EIF2B2: variants seen among roughly 807,000 people sequenced by gnomAD.
EIF2B2 encodes eukaryotic translation initiation factor 2B subunit beta, also known as translation initiation factor eIF2B subunit beta.
Under a neutral mutation model 34.7 loss-of-function variants are expected in EIF2B2, and 34 were observed. The ratio of observed to expected loss-of-function variants is 0.98; its 90% CI spans 0.75 to 1.31. The LOEUF is 1.31. Among genes scored for constraint, EIF2B2 ranks in the 50% most tolerant of loss-of-function variants. EIF2B2 has a pLI of 0.00. For missense variants in EIF2B2, 361 were observed against 447.7 expected (o/e 0.81, Z 1.75); for synonymous variants, 155 against 171.6 (o/e 0.90, Z 0.76).
rs758861979 is a variant in EIF2B2 at position 75,009,599 on chromosome 14, T to C, written c.*411T>C. ...AGCCACTTGAAGGTTCCATAGTTGG[T>C]TTATTTATTGTCCTACTCTGACAGA... On this transcript the variant is annotated 3_prime_UTR_variant, in exon 8 of 8. Coordinates refer to ENST00000266126, the MANE Select transcript of EIF2B2 (RefSeq NM_014239.4). 2 of 298,348 alleles carry C rather than the reference T, an allele frequency of 6.7e-6. No individual in the cohort carries two copies. Among genetic ancestry groups the C allele is most frequent in the Non-Finnish European group, 1.3e-5 (2 of 153,266 alleles). 18.5% of individuals were successfully genotyped at this position (298,348 alleles called of 1,614,324 possible).
chr14:75,004,414 G>A (rs986547609), intron 3 of EIF2B2, among the ~76,000 whole-genome samples: 1 of 151,930 alleles, frequency 6.6e-6, no homozygotes, highest in African/African-American at 2.4e-5. Flanking sequence ...GACATAGCTG[G>A]GCATGGTGGC....
intron 7 of EIF2B2, chr14:75,008,115 T>G (rs563437328): frequency 3.1e-6 from 1 of 326,702 alleles, no homozygotes; most frequent in Non-Finnish European, 5.8e-6. Context: ...ATGTACCTGT[T>G]TTCCTGCTAT....
rs1017965087 is a variant in EIF2B2, at chr14:75,011,603, C to T, written c.*2415C>T. The T allele has an allele frequency of 3.3e-5, 5 of 152,170 alleles. No homozygotes were observed. The highest frequency in any genetic ancestry group is 7.2e-5 in the African/African-American group (3 of 41,440). 9.4% of individuals were successfully genotyped at this position (152,170 alleles called of 1,614,324 possible). A position where few individuals can be genotyped will look rare whatever the true frequency, so the allele number is the denominator to read the frequency against. The stretch of plus-strand genomic sequence containing the variant: ...TTCCAGAGAGGGGAAAAAAGTAAGA[C>T]CTCAGAAAGTCGGCATTTTACACTG... On this transcript the variant is annotated 3_prime_UTR_variant, in exon 8 of 8. Transcript: ENST00000266126.
intron 4 of EIF2B2, chr14:75,005,119 T>A (rs1405323824): frequency 1.4e-5 from 7 of 493,584 alleles, no homozygotes; most frequent in Non-Finnish European, 2.2e-5. Context: ...GGCTCATGCC[T>A]GTAATCCCAG....
chr14:75,003,169 C>T lies in EIF2B2; in HGVS notation c.163+16C>T. The T allele has an allele frequency of 6.2e-7, 1 of 1,613,364 alleles. No homozygotes were observed. Among genetic ancestry groups the T allele is most frequent in the Non-Finnish European group, 8.5e-7 (1 of 1,179,932 alleles). ...AGCAACGCGGGTGAGGCCGGCCTGCCTCCGCCGGCGAACCTGGCCCCTGTC... is the reference window on the plus strand; with the variant it reads ...AGCAACGCGGGTGAGGCCGGCCTGCTTCCGCCGGCGAACCTGGCCCCTGTC... On this transcript the variant is annotated intron_variant, in intron 1 of 7. Coordinates refer to ENST00000266126, the MANE Select transcript of EIF2B2 (RefSeq NM_014239.4).
At chr14:75,008,351 C>T (rs1427037828) in intron 7 of EIF2B2, 2 of 175,884 alleles carry the variant, frequency 1.1e-5, no homozygotes, top group Non-Finnish European at 2.5e-5. Flanking sequence ...CCTAGTTCCT[C>T]TTGGAAGTTG....
chr14:75,010,886 T>C lies in EIF2B2; in HGVS notation c.*1698T>C, dbSNP rs1272483738. The C allele has an allele frequency of 6.6e-6, 1 of 152,170 alleles. No individual in the cohort carries two copies. Among genetic ancestry groups the C allele is most frequent in the Non-Finnish European group, 1.5e-5 (1 of 68,034 alleles). 9.4% of individuals were successfully genotyped at this position (152,170 alleles called of 1,614,324 possible). A position where few individuals can be genotyped will look rare whatever the true frequency, so the allele number is the denominator to read the frequency against. On this transcript the variant is annotated 3_prime_UTR_variant, in exon 8 of 8. Coordinates refer to ENST00000266126, the MANE Select transcript of EIF2B2 (RefSeq NM_014239.4). ...GCAGAGCAATATGCATAATACGGAC[T>C]CATTTCCATAAAACAACACTGGCTG...
rs1362007849 is a variant in EIF2B2 at position 75,004,803 on chromosome 14, C to T, written c.500C>T (p.Thr167Ile). Residue 167 changes from threonine (T) to isoleucine (I), a missense_variant, in exon 4 of 8, where the codon ACC becomes ATC. By Grantham distance (89) the Thr-to-Ile change is moderately conservative. Coordinates refer to ENST00000266126, the MANE Select transcript of EIF2B2 (RefSeq NM_014239.4). ...EHIHSNEVIM[T>I]IGFSRTVEAF... is the part of the protein sequence containing the mutation. ...ATTCACTCCAATGAGGTGATCATGA[C>T]CATTGGCTTCTCCCGAACAGTAGAG... is the stretch of plus-strand genomic sequence containing the variant. The T allele has an allele frequency of 1.2e-6, 2 of 1,605,306 alleles. No individual in the cohort carries two copies. The highest frequency in any genetic ancestry group is 2.2e-5 in the South Asian group (2 of 90,764).
At position 75,009,203 on chromosome 14, in the gene EIF2B2, C is replaced by T; in HGVS notation, c.*15C>T. 6.2e-7 allele frequency: 1 copy of T among 1,613,900 alleles called. No homozygotes were observed. Among genetic ancestry groups the T allele is most frequent in the Non-Finnish European group, 8.5e-7 (1 of 1,179,900 alleles). On this transcript the variant is annotated 3_prime_UTR_variant, in exon 8 of 8. Coordinates refer to ENST00000266126, the MANE Select transcript of EIF2B2 (RefSeq NM_014239.4). Reference sequence around the variant, plus strand: ...ATGTTTTATGACCGACCACACGTGTCCTAAGCAGATTGCTTAGGCAGATAC... The same window carrying T: ...ATGTTTTATGACCGACCACACGTGTTCTAAGCAGATTGCTTAGGCAGATAC...
At chr14:75,003,441 T>G (rs1315506532) in intron 2 of EIF2B2, 46 bp downstream of exon 2, 1 of 1,613,938 alleles carries the variant, frequency 6.2e-7, no homozygotes, top group Non-Finnish European at 8.5e-7. Flanking sequence ...GTGACACTTT[T>G]TGCACGGGCC....
chr14:75,004,034 C>T (rs1166777025), intron 3 of EIF2B2, among the ~76,000 whole-genome samples: 1 of 152,220 alleles, frequency 6.6e-6, no homozygotes, highest in Non-Finnish European at 1.5e-5. Context: ...AATTTTTATA[C>T]ACACGTACAC....
rs1281364123 is a variant in EIF2B2 at position 75,003,659 on chromosome 14, C to A, written c.393C>A (p.Ser131=). ...DFSFHYAQLQ[S]NIIEAINELL... ...GCTTCCATTATGCCCAACTCCAGTC[C>A]AACATCATTGAGGCGATTAATGAGC... The change falls in exon 3 of 8, where the codon TCC becomes TCA. Residue 131 remains serine, a synonymous_variant. Transcript: ENST00000266126. The A allele has an allele frequency of 1.2e-6, 2 of 1,614,138 alleles. No homozygotes were observed. Among genetic ancestry groups the A allele is most frequent in the East Asian group, 4.5e-5 (2 of 44,888 alleles).
intron 6 of EIF2B2, chr14:75,007,057 G>A (rs1264210028): frequency 2.1e-6 from 1 of 486,696 alleles, no homozygotes; most frequent in South Asian, 1.5e-5. Context: ...TGTTATTGTT[G>A]CAGGGCCTGT....
In EIF2B2 at chr14:75,006,667, TCCACC is replaced by T. The variant is rs776563872; in HGVS notation, c.789_793del (p.Pro264HisfsTer16). ...TCTGGCACTGGCAGCAAAACACCAT[TCCACC>T]CCACTCATCGTCTGTGCACCTATGT... On this transcript the variant is annotated frameshift_variant, in exon 6 of 8. Coordinates refer to ENST00000266126, the MANE Select transcript of EIF2B2 (RefSeq NM_014239.4). LOFTEE classifies it high-confidence loss of function. The surrounding 1 kb of genome is among the most constrained non-coding windows in gnomAD (Gnocchi z 4.1). The T allele has an allele frequency of 6.2e-7, 1 of 1,614,152 alleles. No individual in the cohort carries two copies. Among genetic ancestry groups the T allele is most frequent in the Non-Finnish European group, 8.5e-7 (1 of 1,180,018 alleles).
chr14:75,008,586 C>A, intron 7 of EIF2B2: 1 of 274,876 alleles, frequency 3.6e-6, no homozygotes, highest in Non-Finnish European at 7.1e-6. Flanking sequence ...TGGCTAGGGG[C>A]CTGAGATTGA....
chr14:75,003,035 C>G lies in EIF2B2; in HGVS notation c.45C>G (p.Ile15Met). 6.2e-7 allele frequency: 1 copy of G among 1,614,104 alleles called. No homozygotes were observed. The highest frequency in any genetic ancestry group is 8.5e-7 in the Non-Finnish European group (1 of 1,180,024). Residue 15 changes from isoleucine to methionine, a missense_variant, in exon 1 of 8, where the codon ATC (isoleucine) becomes ATG (methionine). Ile to Met is a conservative substitution (Grantham distance 10). Coordinates refer to ENST00000266126, the MANE Select transcript of EIF2B2 (RefSeq NM_014239.4). ...AAKGSELSER[I>M]ESFVETLKRG... ...AGGGCTCGGAGTTGTCAGAGAGGAT[C>G]GAGAGCTTCGTGGAGACCCTGAAGC...
intron 1 of EIF2B2, 38 bp downstream of exon 1, chr14:75,003,191 T>A: frequency 6.2e-7 from 1 of 1,613,340 alleles, no homozygotes; most frequent in South Asian, 1.1e-5. Context: ...ACCTGGCCCC[T>A]GTCTGTTCCC....
Position 75,010,151 on chromosome 14 carries a change from TCA to T in EIF2B2, c.*968_*969del, listed in dbSNP as rs1192928775. 1 of 152,218 alleles carries T rather than the reference TCA, an allele frequency of 6.6e-6. No individual in the cohort carries two copies. The highest frequency in any genetic ancestry group is 1.5e-5 in the Non-Finnish European group (1 of 68,054). 9.4% of individuals were successfully genotyped at this position (152,218 alleles called of 1,614,324 possible). ...CCTGAGAGTGATTCCGATCACTCAC[TCA>T]CACAGTCTTGGGTTTCATCTCAGTC... On this transcript the variant is annotated 3_prime_UTR_variant, in exon 8 of 8. Coordinates refer to ENST00000266126, the MANE Select transcript of EIF2B2 (RefSeq NM_014239.4).
chr14:75,007,770 G>T lies in EIF2B2; in HGVS notation c.880G>T (p.Val294Phe). Reference sequence around the variant, plus strand: ...TCATAAGTTTGTGGCTCCTGAAGAAGTCCTGCCATTCACAGAAGGTACAGA... The same window carrying T: ...TCATAAGTTTGTGGCTCCTGAAGAATTCCTGCCATTCACAGAAGGTACAGA... Reference protein sequence around the residue: ...SFHKFVAPEEVLPFTEGDILE... With the variant: ...SFHKFVAPEEFLPFTEGDILE... The change falls in exon 7 of 8, where the codon GTC becomes TTC. Residue 294 changes from valine to phenylalanine, a missense_variant. By Grantham distance (50) the Val-to-Phe change is conservative. Coordinates refer to ENST00000266126, the MANE Select transcript of EIF2B2 (RefSeq NM_014239.4). The T allele has an allele frequency of 1.9e-6, 3 of 1,613,906 alleles. No homozygotes were observed. Among genetic ancestry groups the T allele is most frequent in the Non-Finnish European group, 2.5e-6 (3 of 1,179,938 alleles).
Sources: allele counts gnomAD v4.1 joint callset (sites outside exome capture counted in the v4.1 genomes callset), GRCh38; gene constraint gnomAD v4.1.1; non-coding constraint Gnocchi (gnomAD v3.1); transcripts MANE v1.5; gene names NCBI Gene and HGNC (gene_info 2026-07-23, HGNC 2026-07-21).